Variants in MS4A5 observed in about 807,000 individuals in gnomAD.
MS4A5 encodes the protein membrane spanning 4-domains A5.
Under a neutral mutation model 18.2 loss-of-function variants are expected in MS4A5, and 15 were observed. That is an observed-to-expected ratio of 0.83 (90% CI 0.55 to 1.27). The LOEUF (loss-of-function observed/expected upper bound fraction) is 1.27. Ranked by LOEUF, MS4A5 falls within the 50% of genes most tolerant of loss-of-function variation. The pLI, the probability that MS4A5 is intolerant of heterozygous loss-of-function variation, is 0.00. For synonymous variants in MS4A5, 89 were observed against 78.7 expected, an observed-to-expected ratio of 1.13 and a Z score of -0.69; for missense variants, 232 against 225.7, an observed-to-expected ratio of 1.03 and a Z score of -0.18.
intron 3 of MS4A5, among the ~76,000 whole-genome samples, chr11:60,432,810 C>T (rs865863779): frequency 1.3e-5 from 2 of 150,952 alleles, no homozygotes; most frequent in African/African-American, 4.8e-5. Context: ...TACATTTTCA[C>T]TATTTCCACT....
At chr11:60,432,521 C>T in intron 3 of MS4A5, 54 bp downstream of exon 3, 2 of 1,174,370 alleles carry the variant, frequency 1.7e-6, no homozygotes. Context: ...GTCATGGTGG[C>T]TCATACCTGT....
At position 60,433,849 on chromosome 11, in the gene MS4A5, G is replaced by A. The variant is rs1222739478; in HGVS notation, c.424G>A (p.Asp142Asn). 1.9e-6 allele frequency: 3 copies of A among 1,613,932 alleles called. No homozygotes were observed. Among genetic ancestry groups the A allele is most frequent in the African/African-American group, 1.3e-5 (1 of 74,906 alleles). Reference sequence around the variant, plus strand: ...TCTCCTCACATTTGGTTTCATCCTAGATCAAAACTACATTTGTGGTTATTC... The same window carrying A: ...TCTCCTCACATTTGGTTTCATCCTAAATCAAAACTACATTTGTGGTTATTC... ...IILLTFGFILDQNYICGYSHQ... is the reference protein window; with the variant it reads ...IILLTFGFILNQNYICGYSHQ... The change falls in exon 4 of 5, where the codon GAT becomes AAT. Residue 142 changes from aspartate (D) to asparagine (N), a missense_variant. By Grantham distance (23) the Asp-to-Asn change is conservative. Coordinates refer to ENST00000300190, the MANE Select transcript of MS4A5 (RefSeq NM_023945.3).
chr11:60,429,672 A>G lies in MS4A5; in HGVS notation c.-3A>G, dbSNP rs781338370. 5.0e-6 allele frequency: 8 copies of G among 1,607,404 alleles called. No individual in the cohort carries two copies. The South Asian group carries it at 6.7e-5, about 13-fold the overall frequency. ...CTCCTTTCAAATTATCACCGACACC[A>G]TCATGGATTCAAGCACCGCACACAG... On this transcript the variant is annotated 5_prime_UTR_variant, in exon 1 of 5. Transcript: ENST00000300190.
At chr11:60,438,326 G>T (rs2086092057) in intron 4 of MS4A5, among the ~76,000 whole-genome samples, 1 of 152,180 alleles carries the variant, frequency 6.6e-6, no homozygotes, top group African/African-American at 2.4e-5. Flanking sequence ...AAGCAGGAAA[G>T]ATCCAAAATT....
chr11:60,432,169 C>T (rs17154972), intron 2 of MS4A5, among the ~76,000 whole-genome samples: 5,560 of 152,050 alleles, frequency 0.037, 305 homozygotes, highest in East Asian at 0.29. Flanking sequence ...AAGCCCTGTA[C>T]GGTTAAAAAA....
rs1460407345 is a variant in MS4A5 at position 60,430,715 on chromosome 11, T to C, written c.154-81T>C. ...CAAAGAGAGTAATTGCCAAATCCTT[T>C]TGACCAAAAGAAGATATTCTAAACA... On this transcript the variant is annotated intron_variant, in intron 1 of 4. Transcript: ENST00000300190. The C allele has an allele frequency of 5.9e-6, 9 of 1,532,520 alleles. No individual in the cohort carries two copies. The Admixed American group carries it at 1.2e-4, about 20-fold the overall frequency. The allele number at this position is 1,532,520 out of a possible 1,614,324, so 94.9% of individuals were successfully genotyped here.
At chr11:60,435,054 C>A (rs1310362424) in intron 4 of MS4A5, among the ~76,000 whole-genome samples, 1 of 152,208 alleles carries the variant, frequency 6.6e-6, no homozygotes, top group Non-Finnish European at 1.5e-5. Flanking sequence ...AAACAAACCC[C>A]TTGACAACCT....
intron 4 of MS4A5, among the ~76,000 whole-genome samples, chr11:60,440,243 A>T (rs1031913773): frequency 2.9e-5 from 3 of 102,040 alleles, no homozygotes; most frequent in African/African-American, 1.0e-4. Flanking sequence ...CTGAAACTGG[A>T]TCCCTTCCTT....
At chr11:60,438,197 C>G (rs1358596926) in intron 4 of MS4A5, among the ~76,000 whole-genome samples, 1 of 152,074 alleles carries the variant, frequency 6.6e-6, no homozygotes, top group Non-Finnish European at 1.5e-5. Flanking sequence ...GAAATGAAGG[C>G]AGAAATAAAG....
intron 3 of MS4A5, 82 bp from the exon 4 acceptor site, chr11:60,433,683 C>A: frequency 1.5e-6 from 2 of 1,365,026 alleles, no homozygotes; most frequent in Non-Finnish European, 2.1e-6. Context: ...TAAAATCCTG[C>A]TCTCCATTCT....
intron 4 of MS4A5, among the ~76,000 whole-genome samples, chr11:60,442,071 C>T (rs1443490486): frequency 6.6e-6 from 1 of 152,122 alleles, no homozygotes; most frequent in Admixed American, 6.5e-5. Flanking sequence ...AATATGTAGA[C>T]AGACCATAAA....
At chr11:60,431,632 G>T (rs962110796) in intron 2 of MS4A5, among the ~76,000 whole-genome samples, 15 of 152,122 alleles carry the variant, frequency 9.9e-5, no homozygotes, top group Admixed American at 3.3e-4. Flanking sequence ...AGGGGACAAC[G>T]CCCAGAGACA....
At chr11:60,441,563 C>T (rs2086112810) in intron 4 of MS4A5, among the ~76,000 whole-genome samples, 1 of 146,502 alleles carries the variant, frequency 6.8e-6, no homozygotes, top group Non-Finnish European at 1.5e-5. Context: ...GTCAGCATAA[C>T]CTACCTTCTC....
At chr11:60,445,282 T>G (rs191353190) in intron 4 of MS4A5, among the ~76,000 whole-genome samples, 1 of 151,882 alleles carries the variant, frequency 6.6e-6, no homozygotes, top group East Asian at 1.9e-4. Context: ...TTTTTTGAGA[T>G]GAAGTCTCAC....
Position 60,433,771 on chromosome 11 carries a change from T to C in MS4A5, c.346T>C (p.Leu116=), listed in dbSNP as rs776375290. Residue 116 remains leucine, a synonymous_variant, in exon 4 of 5, where the codon TTG becomes CTG. Coordinates refer to ENST00000300190, the MANE Select transcript of MS4A5 (RefSeq NM_023945.3). ...KRKTTETLII[L]SRIMNFLSAL... ...TGTTCTTATTCTATTTCAGATAATA[T>C]TGAGCCGAATAATGAATTTTCTTAG... is the stretch of plus-strand genomic sequence containing the variant. The C allele has an allele frequency of 2.2e-5, 35 of 1,613,694 alleles. No individual in the cohort carries two copies. In the South Asian group the frequency reaches 2.6e-4, roughly 12 times the overall value.
chr11:60,432,339 A>C, intron 2 of MS4A5, 72 bp from the exon 3 acceptor site: 1 of 968,998 alleles, frequency 1.0e-6, no homozygotes, highest in Non-Finnish European at 1.6e-6. Flanking sequence ...AGAAATGCAT[A>C]GAGGTCTATT....
intron 4 of MS4A5, chr11:60,435,444 G>A (rs781029978): frequency 4.6e-6 from 2 of 434,868 alleles, no homozygotes; most frequent in South Asian, 1.7e-5. Context: ...TGGCCAAATA[G>A]GAACAGCTCC....
chr11:60,440,731 C>T (rs2086106860), intron 4 of MS4A5, among the ~76,000 whole-genome samples: 1 of 127,426 alleles, frequency 7.8e-6, no homozygotes, highest in Non-Finnish European at 1.7e-5. Context: ...AATGAGATAC[C>T]ATCTCACACC....
At chr11:60,435,373 G>A (rs553204829) in intron 4 of MS4A5, 64 of 444,464 alleles carry the variant, frequency 1.4e-4, no homozygotes, top group South Asian at 9.5e-4. Context: ...TATTAGAAGA[G>A]ATTTTAAAAC....
Sources: gnomAD v4.1 joint callset for allele counts (sites outside exome capture counted in the v4.1 genomes callset) on GRCh38, gnomAD v4.1.1 for gene constraint, MANE v1.5 for transcripts, NCBI Gene and HGNC (gene_info 2026-07-23, HGNC 2026-07-21) for gene names.